The following MYO16 variants were observed in gnomAD, a reference collection of about 807,000 sequenced individuals.
MYO16 encodes myosin XVI.
Under a neutral mutation model 205.3 loss-of-function variants are expected in MYO16, and 94 were observed. The ratio of observed to expected loss-of-function variants is 0.46; its 90% CI spans 0.39 to 0.54. MYO16 has a LOEUF of 0.54. Among genes scored for constraint, MYO16 ranks in the 20% least tolerant of loss-of-function variants. The pLI is 0.00. For missense variants in MYO16, 2,315 were observed against 2,387.5 expected (o/e 0.97, Z 0.63); for synonymous variants, 988 against 954.0 (o/e 1.04, Z -0.66).
chr13:108,957,159 G>T (rs1053687666), intron 16 of MYO16, among the ~76,000 whole-genome samples: 1 of 152,116 alleles, frequency 6.6e-6, no homozygotes, highest in African/African-American at 2.4e-5. Context: ...GCCGAGGTGG[G>T]TGGATCACAA....
intron 16 of MYO16, among the ~76,000 whole-genome samples, chr13:108,926,360 A>C (rs1169305998): frequency 6.6e-6 from 1 of 152,188 alleles, no homozygotes; most frequent in Non-Finnish European, 1.5e-5. Flanking sequence ...AGATGAAAAA[A>C]TAAGAGATGG....
intron 7 of MYO16, among the ~76,000 whole-genome samples, chr13:108,811,805 A>C (rs1374151359): frequency 6.6e-6 from 1 of 152,120 alleles, no homozygotes. Context: ...CATCTGGGTT[A>C]ACCCATCAGC....
chr13:109,111,710 G>A (rs1216794871), intron 28 of MYO16, among the ~76,000 whole-genome samples: 10 of 146,284 alleles, frequency 6.8e-5, no homozygotes, highest in Non-Finnish European at 9.0e-5. Flanking sequence ...TTTTTGAGAC[G>A]GAGTCTTGCT....
At chr13:108,695,421 A>G (rs1381319741) in intron 2 of MYO16, among the ~76,000 whole-genome samples, 1 of 152,138 alleles carries the variant, frequency 6.6e-6, no homozygotes, top group Non-Finnish European at 1.5e-5. Flanking sequence ...GTTTTCATTA[A>G]TGTAGCTTTA....
At chr13:108,772,630 T>A (rs1026499128) in intron 4 of MYO16, among the ~76,000 whole-genome samples, 15 of 152,222 alleles carry the variant, frequency 9.9e-5, no homozygotes, top group South Asian at 8.3e-4. Context: ...TGGAAAAAAA[T>A]AATGAAATTT....
chr13:108,828,232 G>T (rs1310177258), intron 9 of MYO16, among the ~76,000 whole-genome samples: 1 of 152,138 alleles, frequency 6.6e-6, no homozygotes. Flanking sequence ...CAGCGAGGAG[G>T]TCATTTTTAT....
chr13:109,154,266 G>A (rs58982785), intron 32 of MYO16, among the ~76,000 whole-genome samples: 34,249 of 152,136 alleles, frequency 0.23, 4,176 homozygotes, highest in Middle Eastern at 0.29. Flanking sequence ...GCCAGCTGGT[G>A]CAGGGCTGCT....
intron 1 of MYO16, among the ~76,000 whole-genome samples, chr13:108,622,620 G>A (rs770832098): frequency 1.3e-5 from 2 of 149,188 alleles, no homozygotes; most frequent in East Asian, 2.0e-4. Context: ...ACAGGGAGAG[G>A]AGGAAGAGAA....
Position 109,127,134 on chromosome 13 carries a change from G to A in MYO16, c.3783-148G>A. On this transcript the variant is annotated intron_variant, in intron 30 of 34. Coordinates refer to ENST00000457511, the MANE Select transcript of MYO16 (RefSeq NM_001198950.3). This position sits in a 1 kb window ranked among gnomAD's most constrained non-coding sequence, Gnocchi z 4.2. ...CCTTCTCTGGACCAACTGGTCACCA[G>A]AGGGCTGCACACGTCCTCCAGCCAC... The A allele has an allele frequency of 1.8e-6, 2 of 1,082,366 alleles. No individual in the cohort carries two copies. The highest frequency in any genetic ancestry group is 2.5e-6 in the Non-Finnish European group (2 of 784,466). The allele number at this position is 1,082,366 out of a possible 1,614,324, so 67.0% of individuals were successfully genotyped here.
At chr13:108,699,307 T>G (rs541965783) in intron 2 of MYO16, among the ~76,000 whole-genome samples, 1 of 152,144 alleles carries the variant, frequency 6.6e-6, no homozygotes, top group East Asian at 1.9e-4. Flanking sequence ...CCACAGATAT[T>G]GGCATGGTGT....
Position 108,759,617 on chromosome 13 carries a change from T to G in MYO16, c.508-26018T>G, listed in dbSNP as rs556338777. Among the ~76,000 whole-genome samples, 7 of 151,920 alleles carry G rather than the reference T, an allele frequency of 4.6e-5. No individual in the cohort carries two copies. In the South Asian group the frequency reaches 1.0e-3, roughly 23 times the overall value. ...TGGGCGGATCACGAGGTCAGGAGAT[T>G]GAGACCATCCTGGCTAACACGGTGA... On this transcript the variant is annotated intron_variant, in intron 4 of 34. Transcript: ENST00000457511.
intron 16 of MYO16, among the ~76,000 whole-genome samples, chr13:108,950,963 G>A (rs1031224390): frequency 1.3e-5 from 2 of 152,040 alleles, no homozygotes; most frequent in African/African-American, 2.4e-5. Flanking sequence ...TTTCCCTTTC[G>A]AAAAATTTGT....
the MYO16 span, among the ~76,000 whole-genome samples, chr13:108,539,060 T>C: frequency 6.6e-6 from 1 of 152,124 alleles, no homozygotes; most frequent in African/African-American, 2.4e-5. Flanking sequence ...CACCTGCAGC[T>C]TACTAGCTAC....
At chr13:108,564,319 C>T in the MYO16 span, among the ~76,000 whole-genome samples, 284 of 151,990 alleles carry the variant, frequency 1.9e-3, no homozygotes, top group African/African-American at 6.7e-3. Context: ...TAAAGGCGTC[C>T]GCCACCATAC....
chr13:108,866,958 C>T (rs1286831524), intron 12 of MYO16, among the ~76,000 whole-genome samples: 4 of 151,914 alleles, frequency 2.6e-5, no homozygotes, highest in Non-Finnish European at 4.4e-5. Flanking sequence ...GAAATTCCTC[C>T]AACTTCCTAG....
At chr13:108,572,074 C>A in the MYO16 span, among the ~76,000 whole-genome samples, 1 of 150,522 alleles carries the variant, frequency 6.6e-6, no homozygotes, top group Middle Eastern at 3.2e-3. Context: ...TGCATGCCAC[C>A]ATGCCCAGCT....
the MYO16 span, among the ~76,000 whole-genome samples, chr13:108,524,911 T>C: frequency 0.027 from 4,099 of 152,336 alleles, 185 homozygotes; most frequent in African/African-American, 0.091. Flanking sequence ...AATATAAAGA[T>C]GGGCTTTTAA....
At position 109,140,228 on chromosome 13, in the gene MYO16, C is replaced by A. The variant is rs1876976922; in HGVS notation, c.4052-36C>A. 2.5e-6 allele frequency: 4 copies of A among 1,593,872 alleles called. No individual in the cohort carries two copies. The highest frequency in any genetic ancestry group is 1.7e-5 in the Admixed American group (1 of 59,570). On this transcript the variant is annotated intron_variant, in intron 31 of 34. Transcript: ENST00000457511. This position sits in a 1 kb window ranked among gnomAD's most constrained non-coding sequence, Gnocchi z 8.0. ...GCTTGGTGGGCACCCGTGGGCCTGGCCTGGCACCCACTGACCGCGTCCTTT... is the reference window on the plus strand; with the variant it reads ...GCTTGGTGGGCACCCGTGGGCCTGGACTGGCACCCACTGACCGCGTCCTTT...
intron 16 of MYO16, among the ~76,000 whole-genome samples, chr13:108,944,493 A>G (rs560655320): frequency 1.3e-5 from 2 of 152,316 alleles, no homozygotes; most frequent in Admixed American, 1.3e-4. Flanking sequence ...CTAACAAATC[A>G]GAAGTAAATG....
Sources: allele counts gnomAD v4.1 joint callset (sites outside exome capture counted in the v4.1 genomes callset), GRCh38; gene constraint gnomAD v4.1.1; non-coding constraint Gnocchi (gnomAD v3.1); transcripts MANE v1.5; gene names NCBI Gene and HGNC (gene_info 2026-07-23, HGNC 2026-07-21).